The following SCN9A variants were observed in gnomAD, a reference collection of about 807,000 sequenced individuals.
SCN9A encodes sodium channel protein type 9 subunit alpha.
In SCN9A, 131 loss-of-function variants were observed where a neutral mutation model predicts 187.0. That is an observed-to-expected ratio of 0.70 (90% CI 0.61 to 0.81). SCN9A has a LOEUF of 0.81. Among genes scored for constraint, SCN9A ranks in the 30% least tolerant of loss-of-function variants. The pLI, the probability that SCN9A is intolerant of heterozygous loss-of-function variation, is 0.00. For synonymous variants in SCN9A, 809 were observed against 808.6 expected, an observed-to-expected ratio of 1.00 and a Z score of -0.01; for missense variants, 2,252 against 2,396.6, an observed-to-expected ratio of 0.94 and a Z score of 1.26.
intron 22 of SCN9A, among the ~76,000 whole-genome samples, chr2:166,227,941 T>C (rs530969240): frequency 6.6e-6 from 1 of 152,322 alleles, no homozygotes. Context: ...TCTAAATTGT[T>C]ACAGTTGCCT....
intron 14 of SCN9A, among the ~76,000 whole-genome samples, chr2:166,278,640 G>A (rs1325787619): frequency 1.3e-5 from 2 of 152,050 alleles, no homozygotes; most frequent in Non-Finnish European, 2.9e-5. Context: ...ATTTATGTGG[G>A]TCAAAAAGTT....
intron 20 of SCN9A, among the ~76,000 whole-genome samples, chr2:166,236,540 C>T (rs1418871308): frequency 6.6e-6 from 1 of 152,116 alleles, no homozygotes. Flanking sequence ...TCTGCCTCAG[C>T]CTCCTGAGTA....
At chr2:166,293,104 T>G in intron 9 of SCN9A, 127 bp downstream of exon 9, 1 of 739,900 alleles carries the variant, frequency 1.4e-6, no homozygotes, top group Non-Finnish European at 2.2e-6. Flanking sequence ...ACTTATAATT[T>G]TGGTAATAAG....
intron 1 of SCN9A, among the ~76,000 whole-genome samples, chr2:166,319,470 A>G (rs1699186728): frequency 6.6e-6 from 1 of 152,086 alleles, no homozygotes; most frequent in Admixed American, 6.5e-5. Flanking sequence ...CCAAATAGGA[A>G]TCAATTCAAA....
At chr2:166,361,413 A>C (rs1559063605) in intron 1 of SCN9A, among the ~76,000 whole-genome samples, 1 of 152,092 alleles carries the variant, frequency 6.6e-6, no homozygotes, top group Non-Finnish European at 1.5e-5. Context: ...CAAAACCAAG[A>C]CTACATTGCC....
At chr2:166,229,453 A>G (rs960705626) in intron 21 of SCN9A, among the ~76,000 whole-genome samples, 1 of 152,030 alleles carries the variant, frequency 6.6e-6, no homozygotes. Context: ...CCCATAGAGA[A>G]ACTATTGGTG....
intron 1 of SCN9A, among the ~76,000 whole-genome samples, chr2:166,366,907 A>C (rs574438316): frequency 2.6e-4 from 39 of 152,332 alleles, no homozygotes; most frequent in African/African-American, 8.7e-4. Context: ...ATGTAAAATA[A>C]ATTAGTTTTC....
At chr2:166,295,077 T>C (rs1698238911) in intron 7 of SCN9A, among the ~76,000 whole-genome samples, 1 of 152,162 alleles carries the variant, frequency 6.6e-6, no homozygotes, top group Non-Finnish European at 1.5e-5. Flanking sequence ...ATATTTAAAC[T>C]AAGACCTAAG....
At position 166,307,093 on chromosome 2, in the gene SCN9A, A is replaced by T; in HGVS notation, c.259-19T>A. 1 of 1,403,374 alleles carries T rather than the reference A, an allele frequency of 7.1e-7. No individual in the cohort carries two copies. The highest frequency in any genetic ancestry group is 1.0e-6 in the Non-Finnish European group (1 of 994,244). The allele number at this position is 1,403,374 out of a possible 1,614,324, so 86.9% of individuals were successfully genotyped here. A position where few individuals can be genotyped will look rare whatever the true frequency, so the allele number is the denominator to read the frequency against. ...TGAAAGTCTGCAGGAGGAAAAAGAA[A>T]GGATGAAATTGAGAATCCAAAATAT... On this transcript the variant is annotated intron_variant, in intron 2 of 26. Transcript: ENST00000642356.
intron 5 of SCN9A, 115 bp from the exon 6 acceptor site, chr2:166,304,444 G>T (rs1698685110): frequency 3.5e-6 from 3 of 845,986 alleles, no homozygotes; most frequent in South Asian, 3.5e-5. Flanking sequence ...GTATAGTTCT[G>T]CAAGTCTTTT....
chr2:166,339,115 T>C (rs1298947597), intron 1 of SCN9A, among the ~76,000 whole-genome samples: 3 of 152,152 alleles, frequency 2.0e-5, no homozygotes, highest in African/African-American at 7.2e-5. Flanking sequence ...GTAGTTTATC[T>C]GGTAAACTGT....
At chr2:166,338,398 ACTAT>A (rs1222749925) in intron 1 of SCN9A, among the ~76,000 whole-genome samples, 1 of 151,986 alleles carries the variant, frequency 6.6e-6, no homozygotes, top group Non-Finnish European at 1.5e-5. Flanking sequence ...TATTACTATT[ACTAT>A]CTGTCTAACG....
chr2:166,278,366 C>T lies in SCN9A; in HGVS notation c.2344-53G>A, dbSNP rs145251904. ...TTAATATTAGAAAACAGGAAATCAA[C>T]ACAATGATAATAATCACTGTTTGCT... On this transcript the variant is annotated intron_variant, in intron 14 of 26. Transcript: ENST00000642356. 365 of 1,379,472 alleles carry T rather than the reference C, an allele frequency of 2.6e-4. 3 individuals are homozygous for T. In the East Asian group the frequency reaches 7.9e-3, roughly 30 times the overall value. 85.5% of individuals were successfully genotyped at this position (1,379,472 alleles called of 1,614,324 possible).
Position 166,199,609 on chromosome 2 carries a change from T to A in SCN9A, c.5030A>T (p.Asp1677Val), listed in dbSNP as rs1553473210. The change falls in exon 27 of 27, where the codon GAC becomes GTC. Residue 1677 changes from aspartate to valine, a missense_variant. Coordinates refer to ENST00000642356, the MANE Select transcript of SCN9A (RefSeq NM_001365536.1). ...GCCAAAGGTCTCAAAATTGAACATG[T>A]CATTAATTCCATCTTCCTTTTTAAC... is the stretch of plus-strand genomic sequence containing the variant. The part of the protein sequence containing the change: ...AYVKKEDGIN[D>V]MFNFETFGNS... 2 of 1,614,182 alleles carry A rather than the reference T, an allele frequency of 1.2e-6. No individual in the cohort carries two copies. The highest frequency in any genetic ancestry group is 1.7e-6 in the Non-Finnish European group (2 of 1,180,032).
intron 1 of SCN9A, among the ~76,000 whole-genome samples, chr2:166,370,344 C>T (rs1352574026): frequency 6.6e-6 from 1 of 150,784 alleles, no homozygotes; most frequent in Non-Finnish European, 1.5e-5. Context: ...GAGATTGAGA[C>T]CATCCTGGCT....
intron 1 of SCN9A, among the ~76,000 whole-genome samples, chr2:166,374,628 A>T (rs1700645502): frequency 6.6e-6 from 1 of 152,160 alleles, no homozygotes; most frequent in African/African-American, 2.4e-5. Flanking sequence ...TTGATGTTAA[A>T]GCAAAAATTA....
At chr2:166,205,602 G>A (rs1385193540) in intron 24 of SCN9A, among the ~76,000 whole-genome samples, 3 of 152,116 alleles carry the variant, frequency 2.0e-5, no homozygotes, top group Non-Finnish European at 2.9e-5. Context: ...ATAGGCATGG[G>A]CAAAGACTTC....
At chr2:166,235,331 T>G (rs557071340) in intron 20 of SCN9A, among the ~76,000 whole-genome samples, 3 of 152,258 alleles carry the variant, frequency 2.0e-5, no homozygotes, top group Admixed American at 2.0e-4. Flanking sequence ...TATTCACATC[T>G]TTCTATAAAC....
chr2:166,238,278 A>C lies in SCN9A; in HGVS notation c.3628-11T>G. ...AATATCTTCAAAAGCCTGTGGAAAT[A>C]ATATTCAAGTTTCAATCATGCACAA... On this transcript the variant is annotated splice_polypyrimidine_tract_variant and intron_variant, in intron 19 of 26. Transcript: ENST00000642356. 6.6e-7 allele frequency: 1 copy of C among 1,516,434 alleles called. No homozygotes were observed. The allele number at this position is 1,516,434 out of a possible 1,614,324, so 93.9% of individuals were successfully genotyped here. A position where few individuals can be genotyped will look rare whatever the true frequency, so the allele number is the denominator to read the frequency against.
Sources: allele counts gnomAD v4.1 joint callset (sites outside exome capture counted in the v4.1 genomes callset), GRCh38; gene constraint gnomAD v4.1.1; transcripts MANE v1.5; gene names NCBI Gene and HGNC (gene_info 2026-07-23, HGNC 2026-07-21).